CELF2: variants seen among roughly 807,000 people sequenced by gnomAD.
CELF2 encodes CUGBP Elav-like family member 2.
In CELF2, 8 loss-of-function variants were observed where a neutral mutation model predicts 62.6. The ratio of observed to expected loss-of-function variants is 0.13; its 90% CI spans 0.07 to 0.23. CELF2 has a LOEUF of 0.23. Among genes scored for constraint, CELF2 ranks in the 10% least tolerant of loss-of-function variants. The pLI is 1.00. For synonymous variants in CELF2, 258 were observed against 250.0 expected (o/e 1.03, Z -0.30); for missense variants, 333 against 671.0 (o/e 0.50, Z 5.56).
the CELF2 span, among the ~76,000 whole-genome samples, chr10:10,560,283 AC>A: frequency 6.6e-6 from 1 of 152,370 alleles, no homozygotes; most frequent in East Asian, 1.9e-4. Context: ...ATGCAGGCAT[AC>A]AAAAACATAC....
chr10:10,782,651 C>T, the CELF2 span, among the ~76,000 whole-genome samples: 2 of 152,238 alleles, frequency 1.3e-5, no homozygotes, highest in African/African-American at 4.8e-5. Context: ...ATGGGAAGCT[C>T]ACCAAGTGGT....
chr10:11,164,874 A>G (rs1037087673), intron 1 of CELF2, among the ~76,000 whole-genome samples: 2 of 152,162 alleles, frequency 1.3e-5, no homozygotes, highest in Admixed American at 1.3e-4. Flanking sequence ...AGTAGCAACA[A>G]CGTACTAATT....
chr10:10,886,098 G>A (rs914368547), intron 1 of CELF2, among the ~76,000 whole-genome samples: 2 of 152,050 alleles, frequency 1.3e-5, no homozygotes, highest in African/African-American at 2.4e-5. Flanking sequence ...ATTCTATCCA[G>A]GGTCATTTTC....
chr10:10,635,673 TAAC>T, the CELF2 span, among the ~76,000 whole-genome samples: 1 of 152,184 alleles, frequency 6.6e-6, no homozygotes, highest in South Asian at 2.1e-4. Context: ...TCTCCTCAAT[TAAC>T]AACATCAAAA....
chr10:11,068,905 A>G (rs2068910377), intron 1 of CELF2, among the ~76,000 whole-genome samples: 1 of 152,208 alleles, frequency 6.6e-6, no homozygotes, highest in South Asian at 2.1e-4. Context: ...CTGTCTTAGC[A>G]TTACCACATA....
intron 11 of CELF2, among the ~76,000 whole-genome samples, chr10:11,325,136 A>C (rs1316172826): frequency 2.0e-5 from 3 of 152,176 alleles, no homozygotes; most frequent in Non-Finnish European, 4.4e-5. Context: ...CTGGGAAAGG[A>C]TAGGTGGACG....
chr10:10,557,246 A>G, the CELF2 span, among the ~76,000 whole-genome samples: 4 of 145,612 alleles, frequency 2.7e-5, no homozygotes, highest in East Asian at 8.3e-4. Flanking sequence ...TCAGCTTTCT[A>G]CATATGGCTA....
At chr10:10,697,118 C>CAA in the CELF2 span, among the ~76,000 whole-genome samples, 1 of 142,548 alleles carries the variant, frequency 7.0e-6, no homozygotes. Context: ...TAGAAGGAGA[C>CAA]AAAAAAAAAA....
the CELF2 span, among the ~76,000 whole-genome samples, chr10:10,701,655 T>A: frequency 6.6e-6 from 1 of 152,240 alleles, no homozygotes; most frequent in Non-Finnish European, 1.5e-5. Flanking sequence ...CAAATGCCTC[T>A]GTATGTTTGT....
the CELF2 span, among the ~76,000 whole-genome samples, chr10:10,723,933 G>C: frequency 5.9e-3 from 891 of 152,198 alleles, 3 homozygotes; most frequent in Non-Finnish European, 8.0e-3. Flanking sequence ...ATGCAACTAT[G>C]ATTATTTCAT....
chr10:11,096,500 A>C (rs935121772), intron 1 of CELF2: 4 of 152,232 alleles, frequency 2.6e-5, no homozygotes, highest in Non-Finnish European at 5.9e-5. Flanking sequence ...AAACAAATTA[A>C]GTATCTTAAA....
the CELF2 span, among the ~76,000 whole-genome samples, chr10:10,464,918 C>A: frequency 5.1e-4 from 78 of 152,240 alleles, no homozygotes; most frequent in African/African-American, 1.7e-3. Flanking sequence ...TTTGTCTTTT[C>A]TTCTGCCCTC....
chr10:11,136,132 G>C (rs917473425), intron 1 of CELF2, among the ~76,000 whole-genome samples: 4 of 152,148 alleles, frequency 2.6e-5, no homozygotes, highest in African/African-American at 9.7e-5. Context: ...GGATTGGAAG[G>C]TTCAGAAAGA....
At chr10:10,783,651 C>CT in the CELF2 span, among the ~76,000 whole-genome samples, 1 of 152,190 alleles carries the variant, frequency 6.6e-6, no homozygotes, top group African/African-American at 2.4e-5. Context: ...AAGCAACAAT[C>CT]TTCAGTCTCC....
intron 1 of CELF2, among the ~76,000 whole-genome samples, chr10:10,878,234 T>C (rs1186152401): frequency 6.6e-6 from 1 of 152,172 alleles, no homozygotes; most frequent in Non-Finnish European, 1.5e-5. Flanking sequence ...AGGAAAGATA[T>C]TGATTCCAGT....
chr10:11,167,957 C>G (rs2067716252), intron 2 of CELF2, among the ~76,000 whole-genome samples: 1 of 152,136 alleles, frequency 6.6e-6, no homozygotes, highest in Non-Finnish European at 1.5e-5. Flanking sequence ...CGGACATGGT[C>G]CATCTGTCTT....
chr10:10,779,907 A>G, the CELF2 span, among the ~76,000 whole-genome samples: 1 of 151,950 alleles, frequency 6.6e-6, no homozygotes, highest in Non-Finnish European at 1.5e-5. Flanking sequence ...TCTCCCAGAG[A>G]CCTAAAGGCA....
chr10:10,776,479 A>G, the CELF2 span: 1 of 154,148 alleles, frequency 6.5e-6, no homozygotes, highest in Non-Finnish European at 1.5e-5. Flanking sequence ...CCTTTCAAGC[A>G]TGGAAAAATT....
rs770722151 is a variant in CELF2, at chr10:11,260,310, C to T, written c.538+2438C>T. Among the ~76,000 whole-genome samples the T allele has an allele frequency of 3.9e-5, 6 of 152,184 alleles. No individual in the cohort carries two copies. Among genetic ancestry groups the T allele is most frequent in the Non-Finnish European group, 7.3e-5 (5 of 68,034 alleles). On this transcript the variant is annotated intron_variant, in intron 5 of 12. Transcript: ENST00000633077. The surrounding 1 kb of genome is among the most constrained non-coding windows in gnomAD (Gnocchi z 4.2). ...TTCTGCTCCCCGTCTGCTGGCCTGGCTGATCTAGGCAGTGACTCTCTGGCA... is the reference window on the plus strand; with the variant it reads ...TTCTGCTCCCCGTCTGCTGGCCTGGTTGATCTAGGCAGTGACTCTCTGGCA...
Sources: allele counts gnomAD v4.1 joint callset (sites outside exome capture counted in the v4.1 genomes callset), GRCh38; gene constraint gnomAD v4.1.1; non-coding constraint Gnocchi (gnomAD v3.1); transcripts MANE v1.5; gene names NCBI Gene and HGNC (gene_info 2026-07-23, HGNC 2026-07-21).